Variants in BSN observed in about 807,000 individuals in gnomAD.
The protein encoded by BSN is protein bassoon.
BSN carries 57 observed loss-of-function variants against 264.8 expected under a neutral mutation model. That is an observed-to-expected ratio of 0.22 (90% confidence interval 0.17 to 0.27). BSN has a LOEUF of 0.27. Among genes scored for constraint, BSN ranks in the 10% least tolerant of loss-of-function variants. The pLI, the probability that BSN is intolerant of heterozygous loss-of-function variation, is 1.00. For synonymous variants in BSN, 2,059 were observed against 2,137.3 expected (o/e 0.96, Z 1.01); for missense variants, 4,615 against 5,232.5 (o/e 0.88, Z 3.64).
At chr3:49,569,001 T>G (rs1210782577) in intron 1 of BSN, among the ~76,000 whole-genome samples, 2 of 152,064 alleles carry the variant, frequency 1.3e-5, no homozygotes, top group Non-Finnish European at 2.9e-5. Context: ...GTGCTCAACT[T>G]CTGAATATAT....
intron 1 of BSN, among the ~76,000 whole-genome samples, chr3:49,601,940 G>A (rs2052075733): frequency 6.6e-6 from 1 of 152,168 alleles, no homozygotes; most frequent in Non-Finnish European, 1.5e-5. Context: ...AGAGAAGCAG[G>A]AGAACTTGGT....
chr3:49,660,857 T>C lies in BSN; in HGVS notation c.9012T>C (p.Gly3004=), dbSNP rs1238943122. 1 of 1,613,282 alleles carries C rather than the reference T, an allele frequency of 6.2e-7. No individual in the cohort carries two copies. Among genetic ancestry groups the C allele is most frequent in the East Asian group, 2.2e-5 (1 of 44,880 alleles). Residue 3004 remains glycine, a synonymous_variant, in exon 6 of 12, where the codon GGT becomes GGC. Transcript: ENST00000296452. This position sits in a 1 kb window ranked among gnomAD's most constrained non-coding sequence, Gnocchi z 7.1. ...RGGRDYPPLR[G]LGEHRDYLSD... is the part of the protein sequence containing the mutation. Reference sequence around the variant, plus strand: ...GCCGTGACTACCCACCCTTGCGTGGTCTTGGCGAGCATCGTGACTACCTAT... The same window carrying C: ...GCCGTGACTACCCACCCTTGCGTGGCCTTGGCGAGCATCGTGACTACCTAT...
In BSN at chr3:49,642,884, G is replaced by A; in HGVS notation, c.1250G>A (p.Gly417Glu). ...GCACCTGGAGCCAAAACTGAGCCTGGGGCTAGAATGGGTCCTGGATCTGGA... is the reference window on the plus strand; with the variant it reads ...GCACCTGGAGCCAAAACTGAGCCTGAGGCTAGAATGGGTCCTGGATCTGGA... ...GPAPGAKTEP[G>E]ARMGPGSGPG... is the part of the protein sequence containing the mutation. Residue 417 changes from glycine (G) to glutamate (E), a missense_variant, in exon 3 of 12, where the codon GGG (glycine) becomes GAG (glutamate). By Grantham distance (98) the Gly-to-Glu change is moderately conservative (BLOSUM62 -2). Around this residue, in one of 3 missense-constraint regions of BSN, gnomAD observed 1,197 missense variants for 1,348.0 expected, o/e 0.89. Coordinates refer to ENST00000296452, the MANE Select transcript of BSN (RefSeq NM_003458.4). This position sits in a 1 kb window ranked among gnomAD's most constrained non-coding sequence, Gnocchi z 7.0. 6.2e-7 allele frequency: 1 copy of A among 1,613,878 alleles called. No individual in the cohort carries two copies. Among genetic ancestry groups the A allele is most frequent in the East Asian group, 2.2e-5 (1 of 44,874 alleles).
chr3:49,654,232 T>C lies in BSN; in HGVS notation c.4676T>C (p.Ile1559Thr). The C allele has an allele frequency of 6.2e-7, 1 of 1,613,570 alleles. No homozygotes were observed. Among genetic ancestry groups the C allele is most frequent in the Non-Finnish European group, 8.5e-7 (1 of 1,179,820 alleles). ...ESSQEAPFMV[I>T]TLASDASSQT... is the part of the protein sequence containing the mutation. ...TCTCAAGAGGCTCCCTTTATGGTCATCACGCTGGCATCTGACGCCTCCAGC... is the reference window on the plus strand; with the variant it reads ...TCTCAAGAGGCTCCCTTTATGGTCACCACGCTGGCATCTGACGCCTCCAGC... Residue 1559 changes from isoleucine (I) to threonine (T), a missense_variant, in exon 5 of 12, where the codon ATC becomes ACC. By Grantham distance (89) the Ile-to-Thr change is moderately conservative (BLOSUM62 -1). Around this residue, in one of 3 missense-constraint regions of BSN, gnomAD observed 3,415 missense variants for 3,866.4 expected, o/e 0.88. Coordinates refer to ENST00000296452, the MANE Select transcript of BSN (RefSeq NM_003458.4). This position sits in a 1 kb window ranked among gnomAD's most constrained non-coding sequence, Gnocchi z 4.1.
chr3:49,589,987 G>A (rs868239129), intron 1 of BSN, among the ~76,000 whole-genome samples: 3 of 151,948 alleles, frequency 2.0e-5, no homozygotes, highest in Non-Finnish European at 4.4e-5. Flanking sequence ...ACAGTCGTGT[G>A]CCACCACGCC....
Position 49,619,845 on chromosome 3 carries a change from T to A in BSN, c.225-5130T>A, listed in dbSNP as rs2052290338. Among the ~76,000 whole-genome samples, 5 of 152,158 alleles carry A rather than the reference T, an allele frequency of 3.3e-5. No homozygotes were observed. In the South Asian group the frequency reaches 1.0e-3, roughly 32 times the overall value. On this transcript the variant is annotated intron_variant, in intron 1 of 11. Transcript: ENST00000296452. ...GCTTTAAAACTTTGGGGCCACATTT[T>A]ACTGCTCTGAGTCATTTAGTGCTTA...
Position 49,642,733 on chromosome 3 carries a change from G to C in BSN, c.1099G>C (p.Val367Leu). ...LLTQASTLMS[V>L]QPEADTQGQP... Reference sequence around the variant, plus strand: ...AACCCAGGCGAGCACCCTCATGTCTGTGCAGCCCGAGGCTGACACCCAGGG... The same window carrying C: ...AACCCAGGCGAGCACCCTCATGTCTCTGCAGCCCGAGGCTGACACCCAGGG... The change falls in exon 3 of 12, where the codon GTG becomes CTG. Residue 367 changes from valine to leucine, a missense_variant. Coordinates refer to ENST00000296452, the MANE Select transcript of BSN (RefSeq NM_003458.4). This position sits in a 1 kb window ranked among gnomAD's most constrained non-coding sequence, Gnocchi z 7.0. The C allele has an allele frequency of 6.2e-7, 1 of 1,613,520 alleles. No homozygotes were observed. The highest frequency in any genetic ancestry group is 8.5e-7 in the Non-Finnish European group (1 of 1,180,026).
rs777691130 is a variant in BSN at position 49,654,901 on chromosome 3, A to G, written c.5345A>G (p.Gln1782Arg). The change falls in exon 5 of 12, where the codon CAG becomes CGG. Residue 1782 changes from glutamine to arginine, a missense_variant. Gln to Arg is a conservative substitution (Grantham distance 43, BLOSUM62 1). Coordinates refer to ENST00000296452, the MANE Select transcript of BSN (RefSeq NM_003458.4). The surrounding 1 kb of genome is among the most constrained non-coding windows in gnomAD (Gnocchi z 4.1). The part of the protein sequence containing the change: ...AQVKQVEQAV[Q>R]TAPYRSGPRG... The stretch of plus-strand genomic sequence containing the variant: ...GTCAAACAAGTAGAGCAGGCTGTCC[A>G]GACAGCCCCATACCGAAGTGGGCCC... 4 of 1,612,982 alleles carry G rather than the reference A, an allele frequency of 2.5e-6. No individual in the cohort carries two copies. The highest frequency in any genetic ancestry group is 3.4e-6 in the Non-Finnish European group (4 of 1,179,704).
intron 1 of BSN, among the ~76,000 whole-genome samples, chr3:49,558,513 G>C (rs1258133720): frequency 6.6e-6 from 1 of 152,214 alleles, no homozygotes; most frequent in East Asian, 1.9e-4. Flanking sequence ...TTTCAAAATG[G>C]ATTTGTCAGG....
Position 49,651,782 on chromosome 3 carries a change from A to G in BSN, c.2226A>G (p.Pro742=), listed in dbSNP as rs753320683. 6.2e-7 allele frequency: 1 copy of G among 1,613,224 alleles called. No homozygotes were observed. The highest frequency in any genetic ancestry group is 8.5e-7 in the Non-Finnish European group (1 of 1,179,972). The change falls in exon 5 of 12, where the codon CCA becomes CCG. Residue 742 remains proline, a synonymous_variant. Coordinates refer to ENST00000296452, the MANE Select transcript of BSN (RefSeq NM_003458.4). This position sits in a 1 kb window ranked among gnomAD's most constrained non-coding sequence, Gnocchi z 5.4. ...RPLLQAQGLA[P]SERSKPLSSG... Reference sequence around the variant, plus strand: ...TGCTGCAGGCCCAGGGCCTGGCCCCAAGTGAGCGGAGCAAGCCACTCTCCA... The same window carrying G: ...TGCTGCAGGCCCAGGGCCTGGCCCCGAGTGAGCGGAGCAAGCCACTCTCCA...
At chr3:49,579,072 C>G (rs1053400671) in intron 1 of BSN, among the ~76,000 whole-genome samples, 4 of 152,004 alleles carry the variant, frequency 2.6e-5, no homozygotes, top group Admixed American at 2.0e-4. Flanking sequence ...ACTGTAACCT[C>G]AAACTCCTGG....
In BSN at chr3:49,660,638, C is replaced by G. The variant is rs761127813; in HGVS notation, c.8793C>G (p.Thr2931=). The G allele has an allele frequency of 7.4e-6, 12 of 1,613,064 alleles. No homozygotes were observed. The African/African-American group carries it at 1.6e-4, about 22-fold the overall frequency. Residue 2931 remains threonine, a synonymous_variant, in exon 6 of 12, where the codon ACC becomes ACG. Coordinates refer to ENST00000296452, the MANE Select transcript of BSN (RefSeq NM_003458.4). This position sits in a 1 kb window ranked among gnomAD's most constrained non-coding sequence, Gnocchi z 7.1. ...TGCAGCGAGGGCTGACGGGGCCCAC[C>G]ACTGTCCCTGCTACCAAGGCCAGCC... ...SLLQRGLTGP[T]TVPATKASLL...
At chr3:49,577,607 A>G (rs1423446751) in intron 1 of BSN, among the ~76,000 whole-genome samples, 1 of 149,496 alleles carries the variant, frequency 6.7e-6, no homozygotes, top group African/African-American at 2.5e-5. Context: ...TGGCATGATC[A>G]TGGCTTACTG....
chr3:49,656,544 C>A lies in BSN; in HGVS notation c.6988C>A (p.Pro2330Thr). 6.4e-7 allele frequency: 1 copy of A among 1,566,766 alleles called. No individual in the cohort carries two copies. Among genetic ancestry groups the A allele is most frequent in the Non-Finnish European group, 8.6e-7 (1 of 1,157,300 alleles). Residue 2330 changes from proline to threonine, a missense_variant, in exon 5 of 12, where the codon CCA (proline) becomes ACA (threonine). Pro to Thr is a conservative substitution (Grantham distance 38). Coordinates refer to ENST00000296452, the MANE Select transcript of BSN (RefSeq NM_003458.4). The stretch of plus-strand genomic sequence containing the variant: ...GGCTGCAGGAGCCCCAGCTCCTGCC[C>A]CACTAGCTGGCCAGAAGCCACCAGC... Reference protein sequence around the residue: ...KEAAGAPAPAPLAGQKPPADA... With the variant: ...KEAAGAPAPATLAGQKPPADA...
rs778439263 is a variant in BSN, at chr3:49,663,109, G to T, written c.10951G>T (p.Gly3651Trp). The change falls in exon 7 of 12, where the codon GGG (glycine) becomes TGG (tryptophan). Residue 3651 changes from glycine to tryptophan, a missense_variant. Physicochemically the swap from Gly to Trp is radical, Grantham distance 184. Coordinates refer to ENST00000296452, the MANE Select transcript of BSN (RefSeq NM_003458.4). ...SAKEHRHGDH[G>W]RHSGRHTGEE... ...CAAGGAACACCGGCACGGTGACCAC[G>T]GGCGGCACTCAGGCCGCCACACTGG... is the stretch of plus-strand genomic sequence containing the variant. The T allele has an allele frequency of 5.6e-6, 9 of 1,611,508 alleles. No individual in the cohort carries two copies.
In BSN at chr3:49,657,671, G is replaced by A. The variant is rs771498990; in HGVS notation, c.8115G>A (p.Ser2705=). 1.8e-5 allele frequency: 28 copies of A among 1,571,726 alleles called. No individual in the cohort carries two copies. Among genetic ancestry groups the A allele is most frequent in the Admixed American group, 8.7e-5 (5 of 57,612 alleles). ...DPKVEIVRYI[S]APEKTGRGES... ...AGGTGGAGATCGTCAGGTACATATCGGCGCCAGAGAAGACTGGGCGTGGGG... is the reference window on the plus strand; with the variant it reads ...AGGTGGAGATCGTCAGGTACATATCAGCGCCAGAGAAGACTGGGCGTGGGG... Residue 2705 remains serine, a synonymous_variant, in exon 5 of 12, where the codon TCG becomes TCA. Transcript: ENST00000296452.
chr3:49,558,834 T>C (rs1274459842), intron 1 of BSN, among the ~76,000 whole-genome samples: 1 of 152,190 alleles, frequency 6.6e-6, no homozygotes, highest in Non-Finnish European at 1.5e-5. Flanking sequence ...ATACAGTTGC[T>C]CACAGCATCA....
In BSN at chr3:49,586,972, C is replaced by CT. The variant is rs2051942185; in HGVS notation, c.224+32150dup. On this transcript the variant is annotated intron_variant, in intron 1 of 11. Coordinates refer to ENST00000296452, the MANE Select transcript of BSN (RefSeq NM_003458.4). ...GTCATTGATAGTTTGATAGGGATTG[C>CT]TTTTAATTTGTAGATTGCTTTGGGT... Among the ~76,000 whole-genome samples the CT allele has an allele frequency of 2.0e-5, 3 of 152,080 alleles. No individual in the cohort carries two copies. The East Asian group carries it at 5.8e-4, about 29-fold the overall frequency.
chr3:49,663,159 C>G lies in BSN; in HGVS notation c.11001C>G (p.Ala3667=). ...GTGAGGAGCCGGGACGGCGTGCTGC[C>G]AAACCACACGCTCGGGACCTGGGTC... ...HTGEEPGRRA[A]KPHARDLGRH... is the part of the protein sequence containing the mutation. The change falls in exon 7 of 12, where the codon GCC becomes GCG. Residue 3667 remains alanine, a synonymous_variant. Coordinates refer to ENST00000296452, the MANE Select transcript of BSN (RefSeq NM_003458.4). The G allele has an allele frequency of 6.2e-7, 1 of 1,613,242 alleles. No individual in the cohort carries two copies. Among genetic ancestry groups the G allele is most frequent in the South Asian group, 1.1e-5 (1 of 91,076 alleles).
Sources: allele counts gnomAD v4.1 joint callset (sites outside exome capture counted in the v4.1 genomes callset), GRCh38; gene constraint gnomAD v4.1.1; regional missense constraint gnomAD v4.1.1; non-coding constraint Gnocchi (gnomAD v3.1); transcripts MANE v1.5; gene names NCBI Gene and HGNC (gene_info 2026-07-23, HGNC 2026-07-21).